Variants in PTPRD observed in about 807,000 individuals in gnomAD.
PTPRD encodes the protein protein tyrosine phosphatase receptor type D.
A neutral mutation model predicts 214.5 loss-of-function variants in PTPRD; 34 were observed. That is an observed-to-expected ratio of 0.16 (90% confidence interval 0.12 to 0.21). The LOEUF (loss-of-function observed/expected upper bound fraction) is 0.21. PTPRD is among the 10% of genes least tolerant of loss of function. PTPRD has a pLI of 1.00. For missense variants in PTPRD, 2,545 were observed against 2,398.7 expected (o/e 1.06, Z -1.27); for synonymous variants, 1,128 against 845.7 (o/e 1.33, Z -5.79).
intron 5 of PTPRD, among the ~76,000 whole-genome samples, chr9:9,816,525 TG>T (rs1334377329): frequency 2.0e-5 from 3 of 152,050 alleles, no homozygotes; most frequent in African/African-American, 7.2e-5. Flanking sequence ...ATAATATAGT[TG>T]AATATATATT....
chr9:10,189,587 T>C (rs1164982891), intron 3 of PTPRD, among the ~76,000 whole-genome samples: 1 of 152,124 alleles, frequency 6.6e-6, no homozygotes, highest in African/African-American at 2.4e-5. Context: ...TGCGAGGAAT[T>C]TGTAGCATGT....
intron 9 of PTPRD, among the ~76,000 whole-genome samples, chr9:9,309,180 T>G (rs1435843073): frequency 6.6e-6 from 1 of 152,032 alleles, no homozygotes; most frequent in Non-Finnish European, 1.5e-5. Flanking sequence ...AGCCCTAGAA[T>G]GATTTGGTGC....
At chr9:10,396,001 G>A (rs1257536928) in intron 2 of PTPRD, among the ~76,000 whole-genome samples, 1 of 151,544 alleles carries the variant, frequency 6.6e-6, no homozygotes, top group Admixed American at 6.6e-5. Flanking sequence ...CACAGCGAGA[G>A]ACAGAAGGAG....
At chr9:8,728,679 T>A (rs1221439436) in intron 12 of PTPRD, among the ~76,000 whole-genome samples, 1 of 152,178 alleles carries the variant, frequency 6.6e-6, no homozygotes, top group African/African-American at 2.4e-5. Flanking sequence ...ATTTTCCTAT[T>A]CCTTTAAAAA....
intron 14 of PTPRD, among the ~76,000 whole-genome samples, chr9:8,611,625 A>G (rs1442620269): frequency 1.3e-5 from 2 of 151,894 alleles, no homozygotes; most frequent in East Asian, 1.9e-4. Flanking sequence ...GGACCACCTG[A>G]GCCTGGAAGG....
At chr9:9,580,367 C>T (rs1205034737) in intron 7 of PTPRD, among the ~76,000 whole-genome samples, 1 of 151,872 alleles carries the variant, frequency 6.6e-6, no homozygotes, top group African/African-American at 2.4e-5. Flanking sequence ...TTCTTGCCAA[C>T]ACTTTTTTGT....
chr9:10,035,163 G>A (rs7025097), intron 3 of PTPRD, among the ~76,000 whole-genome samples: 48,365 of 151,798 alleles, frequency 0.32, 8,260 homozygotes, highest in East Asian at 0.62. Flanking sequence ...GTGAGATAGT[G>A]TCTCATTGTG....
chr9:9,568,810 G>C (rs1318814311), intron 8 of PTPRD, among the ~76,000 whole-genome samples: 1 of 151,766 alleles, frequency 6.6e-6, no homozygotes, highest in Non-Finnish European at 1.5e-5. Context: ...CACAGATGAA[G>C]ACCTTTTTGT....
chr9:9,878,647 T>C (rs911115793), intron 5 of PTPRD, among the ~76,000 whole-genome samples: 5 of 152,172 alleles, frequency 3.3e-5, no homozygotes, highest in African/African-American at 9.7e-5. Context: ...AACTCTTGGA[T>C]TGTTTCTTCA....
chr9:9,321,866 T>A (rs1389607986), intron 9 of PTPRD, among the ~76,000 whole-genome samples: 3 of 152,190 alleles, frequency 2.0e-5, no homozygotes, highest in Non-Finnish European at 4.4e-5. Flanking sequence ...ATATATGCCA[T>A]CTATTTTACT....
chr9:8,853,074 T>C (rs1299552781), intron 11 of PTPRD, among the ~76,000 whole-genome samples: 1 of 152,202 alleles, frequency 6.6e-6, no homozygotes, highest in Non-Finnish European at 1.5e-5. Flanking sequence ...AACTGTTGAT[T>C]TCTTGAAAGC....
intron 2 of PTPRD, among the ~76,000 whole-genome samples, chr9:10,475,781 C>G (rs1455929447): frequency 6.6e-6 from 1 of 151,866 alleles, no homozygotes; most frequent in Non-Finnish European, 1.5e-5. Context: ...TTATCTACCA[C>G]GATCAAGTCG....
chr9:9,793,851 A>G (rs919376522), intron 5 of PTPRD, among the ~76,000 whole-genome samples: 1 of 152,098 alleles, frequency 6.6e-6, no homozygotes, highest in African/African-American at 2.4e-5. Context: ...ATTAAAATTA[A>G]AAAGTTTTGA....
At chr9:9,325,713 G>A (rs559508947) in intron 9 of PTPRD, among the ~76,000 whole-genome samples, 3 of 152,140 alleles carry the variant, frequency 2.0e-5, no homozygotes, top group African/African-American at 7.2e-5. Flanking sequence ...GCCCTGGCCA[G>A]AACTTCCAAC....
intron 9 of PTPRD, among the ~76,000 whole-genome samples, chr9:9,280,156 T>C (rs991428532): frequency 6.6e-6 from 1 of 151,252 alleles, no homozygotes; most frequent in Non-Finnish European, 1.5e-5. Context: ...AATACTCTCA[T>C]GGCCCTTATG....
chr9:8,896,946 T>A (rs996269703), intron 11 of PTPRD, among the ~76,000 whole-genome samples: 25 of 152,238 alleles, frequency 1.6e-4, no homozygotes, highest in African/African-American at 6.0e-4. Context: ...AGATTAGTTC[T>A]AATTTTATAT....
intron 3 of PTPRD, among the ~76,000 whole-genome samples, chr9:10,206,105 T>TATC (rs2154337725): frequency 7.2e-6 from 1 of 138,898 alleles, no homozygotes; most frequent in East Asian, 2.0e-4. Flanking sequence ...GCTTTAATTG[T>TATC]ATCTCAAAAA....
At chr9:10,568,477 T>C (rs568126280) in intron 2 of PTPRD, among the ~76,000 whole-genome samples, 61 of 152,236 alleles carry the variant, frequency 4.0e-4, no homozygotes, top group African/African-American at 1.5e-3. Context: ...TTTGGGTATA[T>C]ACCCAGTAAT....
chr9:9,774,778 C>T (rs1267306479), intron 5 of PTPRD, among the ~76,000 whole-genome samples: 1 of 152,114 alleles, frequency 6.6e-6, no homozygotes, highest in Non-Finnish European at 1.5e-5. Flanking sequence ...ATAGCCTTAA[C>T]ATATTTCTTT....
Sources: gnomAD v4.1 joint callset for allele counts (sites outside exome capture counted in the v4.1 genomes callset) on GRCh38, gnomAD v4.1.1 for gene constraint, MANE v1.5 for transcripts, NCBI Gene and HGNC (gene_info 2026-07-23, HGNC 2026-07-21) for gene names.